The following NME7 variants were observed in gnomAD, a reference collection of about 807,000 sequenced individuals.
NME7 encodes nucleoside diphosphate kinase 7.
NME7 carries 41 observed loss-of-function variants against 49.1 expected under a neutral mutation model. The ratio of observed to expected loss-of-function variants is 0.83; its 90% CI spans 0.65 to 1.08. NME7 has a LOEUF of 1.08. Among genes scored for constraint, NME7 ranks in the 50% least tolerant of loss-of-function variants. NME7 has a pLI of 0.00. For missense variants in NME7, 423 were observed against 463.4 expected (o/e 0.91, Z 0.80); for synonymous variants, 139 against 150.6 (o/e 0.92, Z 0.56).
chr1:169,171,652 A>G (rs1234251112), intron 10 of NME7, among the ~76,000 whole-genome samples: 1 of 151,862 alleles, frequency 6.6e-6, no homozygotes, highest in Admixed American at 6.6e-5. Context: ...AGTCTCAGCT[A>G]CTTGGGGGGC....
intron 11 of NME7, among the ~76,000 whole-genome samples, chr1:169,134,479 G>A (rs1658361731): frequency 6.6e-6 from 1 of 152,098 alleles, no homozygotes. Flanking sequence ...TCAAAGATAG[G>A]CTGACTACTT....
At chr1:169,160,743 T>C (rs1461286280) in intron 11 of NME7, among the ~76,000 whole-genome samples, 1 of 152,312 alleles carries the variant, frequency 6.6e-6, no homozygotes, top group Non-Finnish European at 1.5e-5. Context: ...CAGACATTTT[T>C]AGATTATTAG....
chr1:169,295,236 A>G (rs1650663751), intron 6 of NME7, among the ~76,000 whole-genome samples: 1 of 152,204 alleles, frequency 6.6e-6, no homozygotes, highest in Non-Finnish European at 1.5e-5. Context: ...CAGCAACACA[A>G]AATGGACTGA....
rs756172057 is a variant in NME7 at position 169,265,928 on chromosome 1, C to A, written c.754+21375G>T. ...ACACTGAACCAAGAAGAAATTGAAT[C>A]CTCAAGCAGACCAATAGTGACCTCT... On this transcript the variant is annotated intron_variant, in intron 7 of 11. Coordinates refer to ENST00000367811, the MANE Select transcript of NME7 (RefSeq NM_013330.5). Among the ~76,000 whole-genome samples the A allele has an allele frequency of 2.1e-4, 28 of 132,200 alleles. 7 individuals carry two copies. Among genetic ancestry groups the A allele is most frequent in the Non-Finnish European group, 4.4e-4 (25 of 56,332 alleles). The allele number at this position is 132,200 out of a possible 152,430, so 86.7% of individuals were successfully genotyped here.
At chr1:169,235,941 AT>A (rs944563928) in intron 8 of NME7, among the ~76,000 whole-genome samples, 1 of 138,086 alleles carries the variant, frequency 7.2e-6, no homozygotes. Flanking sequence ...CTAAGACCTT[AT>A]TTTTTTTAAA....
At chr1:169,260,834 A>G (rs1411676147) in intron 7 of NME7, among the ~76,000 whole-genome samples, 1 of 134,214 alleles carries the variant, frequency 7.5e-6, no homozygotes, top group African/African-American at 2.5e-5. Flanking sequence ...ATTAGTTACC[A>G]TGAGTTCTAA....
chr1:169,235,017 T>C (rs769580346), intron 9 of NME7, 114 bp downstream of exon 9: 47 of 497,054 alleles, frequency 9.5e-5, no homozygotes, highest in Non-Finnish European at 1.4e-4. Context: ...AATGACTCTG[T>C]ATTGATTTTC....
intron 7 of NME7, among the ~76,000 whole-genome samples, chr1:169,250,241 A>AT (rs1648505837): frequency 6.6e-6 from 1 of 151,652 alleles, no homozygotes; most frequent in African/African-American, 2.4e-5. Flanking sequence ...TTTCCTCTAG[A>AT]TTTTTTAGTT....
intron 1 of NME7, among the ~76,000 whole-genome samples, chr1:169,335,323 G>T (rs561515617): frequency 2.0e-5 from 3 of 152,260 alleles, no homozygotes; most frequent in Admixed American, 6.5e-5. Context: ...GCCCATCAAT[G>T]ATAGACTGGA....
intron 1 of NME7, among the ~76,000 whole-genome samples, chr1:169,362,499 A>C (rs1299512089): frequency 6.6e-6 from 1 of 152,228 alleles, no homozygotes; most frequent in African/African-American, 2.4e-5. Context: ...GAAACATGCT[A>C]AACTATGGTT....
chr1:169,258,391 T>C (rs1649042425), intron 7 of NME7, among the ~76,000 whole-genome samples: 1 of 84,822 alleles, frequency 1.2e-5, no homozygotes. Context: ...TATATATATA[T>C]ATATATATAT....
At chr1:169,159,876 G>A (rs1659192990) in intron 11 of NME7, among the ~76,000 whole-genome samples, 1 of 152,038 alleles carries the variant, frequency 6.6e-6, no homozygotes, top group African/African-American at 2.4e-5. Flanking sequence ...AACTTCCCTA[G>A]TTTGTGAAAG....
chr1:169,169,034 G>T (rs763737122), intron 11 of NME7: 1 of 436,484 alleles, frequency 2.3e-6, no homozygotes, highest in Non-Finnish European at 4.4e-6. Flanking sequence ...AAATTTCACA[G>T]AATTTAATTA....
At chr1:169,142,572 G>A (rs1043812532) in intron 11 of NME7, among the ~76,000 whole-genome samples, 1 of 152,162 alleles carries the variant, frequency 6.6e-6, no homozygotes, top group Non-Finnish European at 1.5e-5. Context: ...AGGATACAGA[G>A]ACAGTATGGC....
chr1:169,279,394 A>G (rs997409203), intron 7 of NME7, among the ~76,000 whole-genome samples: 10 of 152,210 alleles, frequency 6.6e-5, no homozygotes, highest in African/African-American at 2.4e-4. Flanking sequence ...GGGCAATGGC[A>G]GGATCCCCTC....
In NME7 at chr1:169,266,647, A is replaced by G. The variant is rs1175951881; in HGVS notation, c.754+20656T>C. Among the ~76,000 whole-genome samples, 2 of 133,808 alleles carry G rather than the reference A, an allele frequency of 1.5e-5. 1 individual carries two copies. Among genetic ancestry groups the G allele is most frequent in the Non-Finnish European group, 3.5e-5 (2 of 56,956 alleles). 87.8% of individuals were successfully genotyped at this position (133,808 alleles called of 152,430 possible). A position where few individuals can be genotyped will look rare whatever the true frequency, so the allele number is the denominator to read the frequency against. On this transcript the variant is annotated intron_variant, in intron 7 of 11. Coordinates refer to ENST00000367811, the MANE Select transcript of NME7 (RefSeq NM_013330.5). ...ATAAAAGGCATCCAAATAGAGAGAA[A>G]GGAAGTCAACCTATCCCTGTTTGAA...
Position 169,287,416 on chromosome 1 carries a change from C to G in NME7, c.649-8G>C, listed in dbSNP as rs370440713. Reference sequence around the variant, plus strand: ...AAAAAACAACTCCATTTCCTAAAGACAGAGAGAAATGATTTTGACAAATGT... The same window carrying G: ...AAAAAACAACTCCATTTCCTAAAGAGAGAGAGAAATGATTTTGACAAATGT... On this transcript the variant is annotated splice_polypyrimidine_tract_variant and splice_region_variant and intron_variant, in intron 6 of 11. Transcript: ENST00000367811. The G allele has an allele frequency of 7.1e-5, 112 of 1,569,830 alleles. 1 individual carries two copies. Among genetic ancestry groups the G allele is most frequent in the Middle Eastern group, 3.4e-4 (2 of 5,910 alleles).
At chr1:169,303,109 C>G (rs1651013319) in intron 5 of NME7, 36 bp downstream of exon 5, 1 of 1,403,262 alleles carries the variant, frequency 7.1e-7, no homozygotes, top group African/African-American at 1.4e-5. Context: ...GGATATCCTC[C>G]TTTACATACC....
intron 10 of NME7, among the ~76,000 whole-genome samples, chr1:169,193,935 G>A (rs918425376): frequency 3.3e-5 from 5 of 151,288 alleles, no homozygotes; most frequent in African/African-American, 1.2e-4. Flanking sequence ...CAGCCAAAGA[G>A]CAGTTAAAAA....
Sources: allele counts gnomAD v4.1 joint callset (sites outside exome capture counted in the v4.1 genomes callset), GRCh38; gene constraint gnomAD v4.1.1; transcripts MANE v1.5; gene names NCBI Gene and HGNC (gene_info 2026-07-23, HGNC 2026-07-21).